Variants in KIF24 observed in about 807,000 individuals in gnomAD.
KIF24 encodes the protein kinesin family member 24.
A neutral mutation model predicts 118.9 loss-of-function variants in KIF24; 81 were observed. The ratio of observed to expected loss-of-function variants is 0.68; its 90% CI spans 0.57 to 0.82. The LOEUF (loss-of-function observed/expected upper bound fraction) is 0.82. Ranked by LOEUF, KIF24 falls within the 40% of genes least tolerant of loss-of-function variation. The pLI, the probability that KIF24 is intolerant of heterozygous loss-of-function variation, is 0.00. For missense variants in KIF24, 1,560 were observed against 1,661.6 expected (o/e 0.94, Z 1.06); for synonymous variants, 599 against 610.0 (o/e 0.98, Z 0.27).
intron 6 of KIF24, among the ~76,000 whole-genome samples, chr9:34,278,889 G>C (rs1217167590): frequency 6.6e-6 from 1 of 152,214 alleles, no homozygotes; most frequent in Non-Finnish European, 1.5e-5. Flanking sequence ...GGCTGAGATA[G>C]AGGATCACTT....
At chr9:34,285,148 TTAA>T (rs1835990587) in intron 6 of KIF24, among the ~76,000 whole-genome samples, 2 of 152,166 alleles carry the variant, frequency 1.3e-5, no homozygotes, top group South Asian at 4.1e-4. Context: ...ATGTTTAAAC[TTAA>T]TGATAAGTAT....
chr9:34,267,948 C>A (rs1835354554), intron 8 of KIF24, among the ~76,000 whole-genome samples: 1 of 152,174 alleles, frequency 6.6e-6, no homozygotes, highest in Non-Finnish European at 1.5e-5. Flanking sequence ...ACCCAGTTTT[C>A]TTCAACCAAT....
At chr9:34,262,466 C>T (rs745612719) in intron 9 of KIF24, among the ~76,000 whole-genome samples, 3 of 150,424 alleles carry the variant, frequency 2.0e-5, no homozygotes, top group Non-Finnish European at 4.4e-5. Context: ...GTTGCACATC[C>T]CTAACCCAAA....
chr9:34,264,046 T>C (rs1835191851), intron 8 of KIF24, among the ~76,000 whole-genome samples: 1 of 151,292 alleles, frequency 6.6e-6, no homozygotes, highest in Non-Finnish European at 1.5e-5. Flanking sequence ...TCAGAAACAG[T>C]GGTGGGGGTC....
intron 6 of KIF24, among the ~76,000 whole-genome samples, chr9:34,284,036 G>C (rs1193413375): frequency 6.6e-6 from 1 of 152,126 alleles, no homozygotes; most frequent in Non-Finnish European, 1.5e-5. Flanking sequence ...GGGAGGCTGA[G>C]GTGAGAGGAT....
chr9:34,322,438 A>G (rs1837554743), intron 1 of KIF24, among the ~76,000 whole-genome samples: 2 of 152,104 alleles, frequency 1.3e-5, no homozygotes, highest in Non-Finnish European at 2.9e-5. Context: ...CCTGAGTTCA[A>G]GTAATCCTCC....
In KIF24 at chr9:34,257,478, T is replaced by C. The variant is rs890735596; in HGVS notation, c.2129A>G (p.Gln710Arg). 4.3e-6 allele frequency: 7 copies of C among 1,613,962 alleles called. No homozygotes were observed. Among genetic ancestry groups the C allele is most frequent in the Non-Finnish European group, 5.1e-6 (6 of 1,179,908 alleles). ...AGACACAAGCTGCTTCTGTACTGGC[T>C]GCACTGTCTGCACTTTCTTGCACTT... ...STKCKKVQTV[Q>R]PVQKQLVSRV... The change falls in exon 11 of 13, where the codon CAG becomes CGG. Residue 710 changes from glutamine (Q) to arginine (R), a missense_variant. Around this residue, in one of 3 missense-constraint regions of KIF24, gnomAD observed 964 missense variants for 988.0 expected, o/e 0.98. Coordinates refer to ENST00000402558, the MANE Select transcript of KIF24 (RefSeq NM_194313.4).
At chr9:34,308,940 G>C (rs1025104335) in intron 2 of KIF24, among the ~76,000 whole-genome samples, 2 of 151,950 alleles carry the variant, frequency 1.3e-5, no homozygotes, top group African/African-American at 4.8e-5. Flanking sequence ...AATTAGCTGG[G>C]GACAGTGGTG....
At chr9:34,278,572 C>CAA (rs57086054) in intron 6 of KIF24, among the ~76,000 whole-genome samples, 4 of 87,992 alleles carry the variant, frequency 4.5e-5, no homozygotes, top group African/African-American at 1.6e-4. Context: ...TAGAGCAAAC[C>CAA]AAAAAAAAAA....
At chr9:34,286,770 A>G in intron 5 of KIF24, 66 bp from the exon 6 acceptor site, 1 of 1,078,134 alleles carries the variant, frequency 9.3e-7, no homozygotes. Context: ...TTGCCTCCCC[A>G]GAAACCATTC....
intron 4 of KIF24, 147 bp from the exon 5 acceptor site, chr9:34,290,536 C>G: frequency 4.0e-6 from 2 of 504,168 alleles, no homozygotes; most frequent in Non-Finnish European, 7.0e-6. Context: ...GAGAAGAGGA[C>G]TTTACATTAT....
chr9:34,269,322 C>T lies in KIF24; in HGVS notation c.1378G>A (p.Asp460Asn). ...IDLAGSERAA[D>N]ARDSDRQTKM... ...GTCTGTCTATCTGAGTCCCTTGCAT[C>T]TGCTGCTCTTTCACTGCCAGCCAAG... The change falls in exon 8 of 13, where the codon GAT becomes AAT. Residue 460 changes from aspartate to asparagine, a missense_variant. Physicochemically the swap from Asp to Asn is conservative, Grantham distance 23. Transcript: ENST00000402558. 1 of 1,611,800 alleles carries T rather than the reference C, an allele frequency of 6.2e-7. No individual in the cohort carries two copies. The highest frequency in any genetic ancestry group is 8.5e-7 in the Non-Finnish European group (1 of 1,178,374).
chr9:34,291,614 T>C (rs907444633), intron 4 of KIF24, among the ~76,000 whole-genome samples: 1 of 152,180 alleles, frequency 6.6e-6, no homozygotes, highest in Non-Finnish European at 1.5e-5. Context: ...GAGAATGGAG[T>C]TGGGAGACCA....
chr9:34,297,212 A>G (rs1272540709), intron 3 of KIF24, 98 bp from the exon 4 acceptor site: 3 of 663,420 alleles, frequency 4.5e-6, no homozygotes, highest in Non-Finnish European at 5.3e-6. Context: ...TATGTCTTTA[A>G]GTAACAGTAA....
intron 1 of KIF24, among the ~76,000 whole-genome samples, chr9:34,311,769 T>TATATATACAC (rs1396351398): frequency 1.4e-5 from 2 of 147,752 alleles, no homozygotes; most frequent in Non-Finnish European, 3.0e-5. Context: ...TATATATACA[T>TATATATACAC]ATATATACAC....
At chr9:34,328,855 A>G (rs1181385776) in intron 1 of KIF24, among the ~76,000 whole-genome samples, 1 of 152,214 alleles carries the variant, frequency 6.6e-6, no homozygotes, top group Non-Finnish European at 1.5e-5. Flanking sequence ...TTGGGACTCA[A>G]GAGTTTAGTC....
Position 34,269,292 on chromosome 9 carries a change from T to C in KIF24, c.1408A>G (p.Met470Val). ...CTCTGATTTATTTCTGCACCTTCCA[T>C]CTTTGTCTGTCTATCTGAGTCCCTT... ...DARDSDRQTK[M>V]EGAEINQSLL... The change falls in exon 8 of 13, where the codon ATG (methionine) becomes GTG (valine). Residue 470 changes from methionine to valine, a missense_variant. By Grantham distance (21) the Met-to-Val change is conservative (BLOSUM62 1). Around this residue, in one of 3 missense-constraint regions of KIF24, gnomAD observed 964 missense variants for 988.0 expected, o/e 0.98. Coordinates refer to ENST00000402558, the MANE Select transcript of KIF24 (RefSeq NM_194313.4). 1.2e-6 allele frequency: 2 copies of C among 1,611,326 alleles called. No homozygotes were observed. The highest frequency in any genetic ancestry group is 1.7e-6 in the Non-Finnish European group (2 of 1,177,968).
chr9:34,263,521 T>C (rs1317587908), intron 8 of KIF24, among the ~76,000 whole-genome samples: 1 of 152,136 alleles, frequency 6.6e-6, no homozygotes, highest in Non-Finnish European at 1.5e-5. Flanking sequence ...CTTTCTCTCC[T>C]CACATTCTTC....
chr9:34,317,284 G>A (rs932005744), intron 1 of KIF24, among the ~76,000 whole-genome samples: 1 of 151,820 alleles, frequency 6.6e-6, no homozygotes, highest in Non-Finnish European at 1.5e-5. Context: ...CAGCTACTCT[G>A]GAGGCTGAGG....
Sources: allele counts gnomAD v4.1 joint callset (sites outside exome capture counted in the v4.1 genomes callset), GRCh38; gene constraint gnomAD v4.1.1; regional missense constraint gnomAD v4.1.1; transcripts MANE v1.5; gene names NCBI Gene and HGNC (gene_info 2026-07-23, HGNC 2026-07-21).